The following HHIPL2 variants were observed in gnomAD, a reference collection of about 807,000 sequenced individuals.
HHIPL2 encodes the protein HHIP-like protein 2.
Under a neutral mutation model 61.0 loss-of-function variants are expected in HHIPL2, and 61 were observed. That is an observed-to-expected ratio of 1.00 (90% confidence interval 0.81 to 1.24). The LOEUF (loss-of-function observed/expected upper bound fraction) is 1.24, where lower values mean the gene tolerates loss of function less well. Among genes scored for constraint, HHIPL2 ranks in the 50% most tolerant of loss-of-function variants. The pLI is 0.00. For synonymous variants in HHIPL2, 343 were observed against 357.4 expected, an observed-to-expected ratio of 0.96 and a Z score of 0.45; for missense variants, 885 against 910.2, an observed-to-expected ratio of 0.97 and a Z score of 0.36.
At chr1:222,542,288 TAAGG>T in intron 2 of HHIPL2, 133 bp from the exon 3 acceptor site, 1 of 973,306 alleles carries the variant, frequency 1.0e-6, no homozygotes, top group Middle Eastern at 2.2e-4. Context: ...TCTGAGTTTT[TAAGG>T]ATCACAAAGC....
intron 2 of HHIPL2, among the ~76,000 whole-genome samples, chr1:222,542,899 C>T (rs1659463715): frequency 1.3e-5 from 2 of 152,104 alleles, no homozygotes; most frequent in African/African-American, 4.8e-5. Context: ...CAGGGCTTGC[C>T]CTTACTCTCT....
chr1:222,536,878 C>T (rs1339325374), intron 5 of HHIPL2, among the ~76,000 whole-genome samples: 1 of 151,124 alleles, frequency 6.6e-6, no homozygotes, highest in African/African-American at 2.4e-5. Context: ...AGTAAGACTC[C>T]ATCTCTACAA....
chr1:222,527,091 G>T, intron 6 of HHIPL2, 41 bp from the exon 7 acceptor site: 2 of 1,454,356 alleles, frequency 1.4e-6, no homozygotes, highest in Non-Finnish European at 1.9e-6. Flanking sequence ...GGGACATCAG[G>T]CAGCACTGAG....
Position 222,540,331 on chromosome 1 carries a change from G to C in HHIPL2, c.1129C>G (p.Leu377Val). 6.2e-7 allele frequency: 1 copy of C among 1,603,960 alleles called. No homozygotes were observed. The change falls in exon 4 of 9, where the codon CTG (leucine) becomes GTG (valine). Residue 377 changes from leucine to valine, a missense_variant. Leu to Val is a conservative substitution (Grantham distance 32). Transcript: ENST00000343410. ...FGNAQNKSSL[L>V]GKVLRIDVNR... Reference sequence around the variant, plus strand: ...ACATCGATCCTTAAAACTTTTCCCAGCAGGGAACTTCTGAAAGAAAGAAGG... The same window carrying C: ...ACATCGATCCTTAAAACTTTTCCCACCAGGGAACTTCTGAAAGAAAGAAGG...
intron 1 of HHIPL2, among the ~76,000 whole-genome samples, chr1:222,544,947 T>C (rs968548889): frequency 6.6e-6 from 1 of 152,242 alleles, no homozygotes; most frequent in Non-Finnish European, 1.5e-5. Context: ...AGTACCATGC[T>C]GGAACCTATA....
At chr1:222,523,466 C>A (rs1238255095) in intron 8 of HHIPL2, 146 bp downstream of exon 8, 2 of 686,220 alleles carry the variant, frequency 2.9e-6, no homozygotes, top group African/African-American at 1.8e-5. Flanking sequence ...ACTCATAACT[C>A]CTCTGTTATG....
intron 5 of HHIPL2, among the ~76,000 whole-genome samples, chr1:222,537,486 C>T (rs1659324806): frequency 6.6e-6 from 1 of 151,526 alleles, no homozygotes; most frequent in Admixed American, 6.6e-5. Flanking sequence ...AAAAAATTAG[C>T]TGGGCGTGGT....
chr1:222,524,453 G>A (rs1016808986), intron 7 of HHIPL2, among the ~76,000 whole-genome samples: 3 of 152,206 alleles, frequency 2.0e-5, no homozygotes, highest in African/African-American at 7.2e-5. Context: ...TAGTGCTTAG[G>A]CACCATTCTA....
chr1:222,523,580 G>A (rs1361924310), intron 8 of HHIPL2, 32 bp downstream of exon 8: 2 of 1,603,158 alleles, frequency 1.2e-6, no homozygotes, highest in African/African-American at 1.3e-5. Context: ...TCCACACCAA[G>A]GCCTGAGCCT....
At chr1:222,529,308 C>A (rs1369673160) in intron 6 of HHIPL2, among the ~76,000 whole-genome samples, 3 of 152,176 alleles carry the variant, frequency 2.0e-5, no homozygotes, top group Non-Finnish European at 4.4e-5. Flanking sequence ...GCACACCCTC[C>A]TTTAGAGTCA....
intron 8 of HHIPL2, among the ~76,000 whole-genome samples, chr1:222,523,308 G>T (rs1658992207): frequency 6.6e-6 from 1 of 152,116 alleles, no homozygotes; most frequent in South Asian, 2.1e-4. Context: ...TATCCCTAGG[G>T]ATTAGCATAG....
chr1:222,539,889 G>C (rs1659391816), intron 4 of HHIPL2, 121 bp downstream of exon 4: 1 of 802,048 alleles, frequency 1.2e-6, no homozygotes, highest in South Asian at 1.7e-5. Context: ...CTACACCACA[G>C]GACACAAACA....
intron 5 of HHIPL2, among the ~76,000 whole-genome samples, chr1:222,535,432 C>T (rs1168417153): frequency 1.3e-5 from 2 of 152,190 alleles, no homozygotes; most frequent in Non-Finnish European, 2.9e-5. Context: ...CAAATCACCT[C>T]AACTACAAAT....
intron 5 of HHIPL2, among the ~76,000 whole-genome samples, chr1:222,537,804 T>C (rs1289005837): frequency 6.6e-6 from 1 of 152,090 alleles, no homozygotes; most frequent in African/African-American, 2.4e-5. Flanking sequence ...TTCTAACAAT[T>C]AACAGTCAGA....
chr1:222,544,910 A>G (rs2102623430), intron 1 of HHIPL2, among the ~76,000 whole-genome samples: 1 of 152,358 alleles, frequency 6.6e-6, no homozygotes, highest in South Asian at 2.1e-4. Flanking sequence ...TATTGATTTT[A>G]AAAATTTCAG....
At position 222,526,971 on chromosome 1, in the gene HHIPL2, T is replaced by C. The variant is rs758848376; in HGVS notation, c.1803A>G (p.Ser601=). 13 of 1,612,204 alleles carry C rather than the reference T, an allele frequency of 8.1e-6. No homozygotes were observed. In the South Asian group the frequency reaches 1.4e-4, roughly 18 times the overall value. ...AAGAAAATGACATCAAATCTCACCT[T>C]GAGGGGTCAACAAACTTGTAAATAG... ...RGSIYKFVDP[S]RRAPPGKCKY... The change falls in exon 7 of 9, where the codon TCA becomes TCG. Residue 601 remains serine, a splice_region_variant and synonymous_variant. Coordinates refer to ENST00000343410, the MANE Select transcript of HHIPL2 (RefSeq NM_024746.4).
intron 6 of HHIPL2, among the ~76,000 whole-genome samples, chr1:222,528,261 A>C (rs1427194526): frequency 6.6e-6 from 1 of 152,202 alleles, no homozygotes; most frequent in Non-Finnish European, 1.5e-5. Flanking sequence ...ATTCATTTGT[A>C]AAATGGGGAT....
intron 3 of HHIPL2, among the ~76,000 whole-genome samples, chr1:222,541,109 C>T (rs61825522): frequency 0.34 from 51,185 of 151,972 alleles, 9,150 homozygotes; most frequent in East Asian, 0.61. Flanking sequence ...ATTTACCTTG[C>T]GGTGTGGTTG....
In HHIPL2 at chr1:222,522,711, T is replaced by C. The variant is rs768151192; in HGVS notation, c.2065A>G (p.Arg689Gly). 16 of 1,614,084 alleles carry C rather than the reference T, an allele frequency of 9.9e-6. No homozygotes were observed. In the Admixed American group the frequency reaches 1.2e-4, roughly 12 times the overall value. Reference protein sequence around the residue: ...LRGPGTKKKARVGPHVRQGKR... With the variant: ...LRGPGTKKKAGVGPHVRQGKR... ...CCCTGGCGGACGTGGGGCCCCACTC[T>C]GGCTTTCTTCTTTGTACCAGGCCCT... Residue 689 changes from arginine (R) to glycine (G), a missense_variant, in exon 9 of 9, where the codon AGA becomes GGA. Transcript: ENST00000343410.
Sources: gnomAD v4.1 joint callset for allele counts (sites outside exome capture counted in the v4.1 genomes callset) on GRCh38, gnomAD v4.1.1 for gene constraint, MANE v1.5 for transcripts, NCBI Gene and HGNC (gene_info 2026-07-23, HGNC 2026-07-21) for gene names.